CDYL2: variants seen among roughly 807,000 people sequenced by gnomAD.
CDYL2 encodes the protein chromodomain Y-like protein 2.
A neutral mutation model predicts 49.4 loss-of-function variants in CDYL2; 23 were observed. The ratio of observed to expected loss-of-function variants is 0.47; its 90% confidence interval spans 0.34 to 0.66. The LOEUF is 0.66. CDYL2 is among the 30% of genes least tolerant of loss of function. CDYL2 has a pLI of 0.01. For synonymous variants in CDYL2, 360 were observed against 268.8 expected, an observed-to-expected ratio of 1.34 and a Z score of -3.32; for missense variants, 678 against 656.4, an observed-to-expected ratio of 1.03 and a Z score of -0.36.
intron 5 of CDYL2, among the ~76,000 whole-genome samples, chr16:80,609,361 T>G (rs568134098): frequency 6.6e-6 from 1 of 152,266 alleles, no homozygotes; most frequent in Non-Finnish European, 1.5e-5. Flanking sequence ...GACGCTGAAA[T>G]GCCAGGCACT....
chr16:80,795,384 A>C (rs1907740536), intron 1 of CDYL2, among the ~76,000 whole-genome samples: 1 of 152,182 alleles, frequency 6.6e-6, no homozygotes, highest in Non-Finnish European at 1.5e-5. Context: ...CCTTTATAAG[A>C]GAAACTGGGA....
intron 1 of CDYL2, among the ~76,000 whole-genome samples, chr16:80,752,703 G>A (rs1481997742): frequency 6.6e-6 from 1 of 152,226 alleles, no homozygotes; most frequent in Non-Finnish European, 1.5e-5. Flanking sequence ...AACCAGTGGT[G>A]TACTGATAAA....
intron 1 of CDYL2, among the ~76,000 whole-genome samples, chr16:80,762,097 G>C (rs890659216): frequency 6.6e-6 from 1 of 151,880 alleles, no homozygotes; most frequent in African/African-American, 2.4e-5. Context: ...GAGGCAGGAG[G>C]ATCACTTGAG....
At chr16:80,671,167 A>G in intron 2 of CDYL2, among the ~76,000 whole-genome samples, 1 of 152,134 alleles carries the variant, frequency 6.6e-6, no homozygotes, top group Non-Finnish European at 1.5e-5. Flanking sequence ...CAGGGAGCAG[A>G]CAGGTGGGTA....
intron 1 of CDYL2, among the ~76,000 whole-genome samples, chr16:80,686,473 A>G (rs145322855): frequency 2.0e-5 from 3 of 152,346 alleles, no homozygotes; most frequent in East Asian, 3.9e-4. Flanking sequence ...TTTTGACCCA[A>G]TAAAATTAAG....
chr16:80,603,634 A>T lies in CDYL2; in HGVS notation c.*754T>A, dbSNP rs569471815. On this transcript the variant is annotated 3_prime_UTR_variant, in exon 7 of 7. Transcript: ENST00000570137. ...TAGTATGAAAATAGTATCTGTGTGA[A>T]CAACAGACATCACAATATATAAACA... The T allele has an allele frequency of 1.3e-5, 2 of 152,802 alleles. No individual in the cohort carries two copies. Among genetic ancestry groups the T allele is most frequent in the African/African-American group, 4.8e-5 (2 of 41,586 alleles). The allele number at this position is 152,802 out of a possible 1,614,324, so 9.5% of individuals were successfully genotyped here. A position where few individuals can be genotyped will look rare whatever the true frequency, so the allele number is the denominator to read the frequency against.
intron 2 of CDYL2, among the ~76,000 whole-genome samples, chr16:80,648,038 T>C (rs550020559): frequency 2.6e-5 from 4 of 152,212 alleles, no homozygotes; most frequent in African/African-American, 7.2e-5. Flanking sequence ...TTTATAGCTT[T>C]AAGTGCCTAT....
At chr16:80,800,093 C>T (rs1488748905) in intron 1 of CDYL2, among the ~76,000 whole-genome samples, 1 of 152,132 alleles carries the variant, frequency 6.6e-6, no homozygotes, top group East Asian at 1.9e-4. Flanking sequence ...AAGAGAAAGA[C>T]TTAACAATGT....
At chr16:80,754,421 A>G (rs1190518450) in intron 1 of CDYL2, among the ~76,000 whole-genome samples, 5 of 152,196 alleles carry the variant, frequency 3.3e-5, no homozygotes, top group Admixed American at 2.0e-4. Context: ...ATAAATTAGG[A>G]GATGTTGCTA....
chr16:80,625,793 C>G (rs963466924), intron 3 of CDYL2, among the ~76,000 whole-genome samples: 2 of 152,080 alleles, frequency 1.3e-5, no homozygotes. Flanking sequence ...CAGAAGGTAG[C>G]AGAATACAAT....
chr16:80,694,225 A>C (rs1256104416), intron 1 of CDYL2, among the ~76,000 whole-genome samples: 1 of 152,224 alleles, frequency 6.6e-6, no homozygotes, highest in East Asian at 1.9e-4. Flanking sequence ...TGAGAATCTA[A>C]TGCCACTGCT....
intron 2 of CDYL2, chr16:80,670,993 T>A (rs1167835149): frequency 2.2e-6 from 1 of 456,042 alleles, no homozygotes; most frequent in South Asian, 1.5e-5. Context: ...GGATTTTGTC[T>A]CCTGGGTTCT....
intron 3 of CDYL2, among the ~76,000 whole-genome samples, chr16:80,621,419 C>G (rs1907079418): frequency 6.6e-6 from 1 of 152,212 alleles, no homozygotes; most frequent in African/African-American, 2.4e-5. Flanking sequence ...TGCCACATGG[C>G]AAGTGGGCTT....
chr16:80,708,751 GT>G (rs1035028441), intron 1 of CDYL2, among the ~76,000 whole-genome samples: 1 of 150,944 alleles, frequency 6.6e-6, no homozygotes, highest in Non-Finnish European at 1.5e-5. Context: ...ACACAGGGTT[GT>G]TTTTTTTTGT....
intron 5 of CDYL2, among the ~76,000 whole-genome samples, chr16:80,609,008 A>C (rs1206895180): frequency 1.3e-5 from 2 of 152,162 alleles, no homozygotes; most frequent in Non-Finnish European, 2.9e-5. Context: ...AGAGACGTGC[A>C]TCTCTCCAAG....
intron 2 of CDYL2, among the ~76,000 whole-genome samples, chr16:80,639,021 T>C (rs565770273): frequency 1.3e-5 from 2 of 152,258 alleles, no homozygotes; most frequent in South Asian, 4.1e-4. Flanking sequence ...ATAATTTCAA[T>C]AATTTTAAAA....
At chr16:80,762,310 C>A (rs570287688) in intron 1 of CDYL2, among the ~76,000 whole-genome samples, 1 of 152,134 alleles carries the variant, frequency 6.6e-6, no homozygotes, top group Non-Finnish European at 1.5e-5. Context: ...TGCAGACCAT[C>A]GCAAGGAAGA....
intron 2 of CDYL2, among the ~76,000 whole-genome samples, chr16:80,635,703 G>GA (rs1907789519): frequency 6.6e-6 from 1 of 152,130 alleles, no homozygotes; most frequent in South Asian, 2.1e-4. Context: ...TACAGAATTA[G>GA]AAAAAATTAC....
At chr16:80,777,594 T>A (rs1907130513) in intron 1 of CDYL2, among the ~76,000 whole-genome samples, 1 of 152,050 alleles carries the variant, frequency 6.6e-6, no homozygotes, top group South Asian at 2.1e-4. Context: ...CATTTTCAGA[T>A]AAATGTTAAA....
Sources: allele counts gnomAD v4.1 joint callset (sites outside exome capture counted in the v4.1 genomes callset), GRCh38; gene constraint gnomAD v4.1.1; transcripts MANE v1.5; gene names NCBI Gene and HGNC (gene_info 2026-07-23, HGNC 2026-07-21).